Variants in MYT1L observed in about 807,000 individuals in gnomAD.
The protein encoded by MYT1L is myelin transcription factor 1 like.
Under a neutral mutation model 126.7 loss-of-function variants are expected in MYT1L, and 12 were observed. That is an observed-to-expected ratio of 0.09 (90% CI 0.06 to 0.15). The LOEUF is 0.15. MYT1L is among the 10% of genes least tolerant of loss of function. The probability of loss-of-function intolerance (pLI) is 1.00; values close to 1 mark genes in which losing one functional copy is unlikely to be tolerated. For missense variants in MYT1L, 979 were observed against 1,585.2 expected, an observed-to-expected ratio of 0.62 and a Z score of 6.49; for synonymous variants, 541 against 604.2, an observed-to-expected ratio of 0.90 and a Z score of 1.53.
At chr2:1,843,304 TC>T (rs1309144182) in intron 19 of MYT1L, among the ~76,000 whole-genome samples, 1 of 152,216 alleles carries the variant, frequency 6.6e-6, no homozygotes, top group Non-Finnish European at 1.5e-5. Flanking sequence ...ATGCGAGTGT[TC>T]CTCTGCGGTT....
chr2:1,880,356 G>A (rs1300969280), intron 18 of MYT1L, among the ~76,000 whole-genome samples: 1 of 152,038 alleles, frequency 6.6e-6, no homozygotes, highest in African/African-American at 2.4e-5. Flanking sequence ...TTTACTTTTC[G>A]AGACAGACTC....
intron 5 of MYT1L, among the ~76,000 whole-genome samples, chr2:1,985,332 G>A (rs928696986): frequency 1.3e-5 from 2 of 152,222 alleles, no homozygotes; most frequent in Non-Finnish European, 2.9e-5. Flanking sequence ...ATGTTGAAGA[G>A]AAACTGGAAG....
chr2:2,079,977 C>G (rs191202806), intron 3 of MYT1L, among the ~76,000 whole-genome samples: 1 of 152,110 alleles, frequency 6.6e-6, no homozygotes, highest in East Asian at 1.9e-4. Flanking sequence ...AGGATAGATA[C>G]TGATCAATGA....
intron 13 of MYT1L, among the ~76,000 whole-genome samples, chr2:1,905,601 G>A (rs1429105772): frequency 3.3e-5 from 5 of 152,218 alleles, no homozygotes; most frequent in South Asian, 4.2e-4. Flanking sequence ...TGATCCACCC[G>A]CCTCGGCCTC....
At chr2:1,968,279 G>C (rs1028112517) in intron 8 of MYT1L, among the ~76,000 whole-genome samples, 1 of 113,370 alleles carries the variant, frequency 8.8e-6, no homozygotes, top group African/African-American at 5.6e-5. Flanking sequence ...TCCCTTCCTG[G>C]CTCCCCAGAG....
chr2:2,120,710 T>C (rs893643472), intron 3 of MYT1L, among the ~76,000 whole-genome samples: 2 of 152,068 alleles, frequency 1.3e-5, no homozygotes, highest in Non-Finnish European at 2.9e-5. Context: ...TATTACTTGT[T>C]CCTATAAAGC....
intron 2 of MYT1L, among the ~76,000 whole-genome samples, chr2:2,247,115 C>G (rs149481743): frequency 6.6e-6 from 1 of 152,106 alleles, no homozygotes. Flanking sequence ...GATGGAAAAA[C>G]AAGACCCAAC....
At chr2:1,976,424 C>T (rs979093703) in intron 8 of MYT1L, among the ~76,000 whole-genome samples, 4 of 152,138 alleles carry the variant, frequency 2.6e-5, no homozygotes, top group African/African-American at 2.4e-5. Flanking sequence ...GGCGGATCAC[C>T]GGAGATCAGG....
At chr2:1,997,666 G>A (rs947725072) in intron 4 of MYT1L, among the ~76,000 whole-genome samples, 1 of 152,178 alleles carries the variant, frequency 6.6e-6, no homozygotes, top group Non-Finnish European at 1.5e-5. Context: ...CCCAGTTCCT[G>A]TGGACCAGAA....
At chr2:2,107,523 A>C (rs1189269417) in intron 3 of MYT1L, among the ~76,000 whole-genome samples, 1 of 152,198 alleles carries the variant, frequency 6.6e-6, no homozygotes, top group East Asian at 1.9e-4. Context: ...AATAATCAAG[A>C]ATAGATTCTC....
At chr2:2,008,139 C>T (rs1054122933) in intron 4 of MYT1L, among the ~76,000 whole-genome samples, 3 of 152,218 alleles carry the variant, frequency 2.0e-5, no homozygotes, top group Non-Finnish European at 2.9e-5. Flanking sequence ...AGAAACCACT[C>T]AGTGCACAGG....
chr2:2,026,493 G>A (rs1250603505), intron 4 of MYT1L, among the ~76,000 whole-genome samples: 1 of 152,222 alleles, frequency 6.6e-6, no homozygotes, highest in Non-Finnish European at 1.5e-5. Context: ...CTGTCTCTCA[G>A]CTAAACACAC....
At chr2:2,208,254 G>C (rs760040354) in intron 2 of MYT1L, among the ~76,000 whole-genome samples, 6 of 152,230 alleles carry the variant, frequency 3.9e-5, no homozygotes, top group Non-Finnish European at 8.8e-5. Flanking sequence ...TCCACTCCCA[G>C]TGAATGTGGG....
At position 2,299,095 on chromosome 2, in the gene MYT1L, A is replaced by G. The variant is rs910357673; in HGVS notation, c.-520-14592T>C. On this transcript the variant is annotated intron_variant, in intron 1 of 24. Transcript: ENST00000647738. ...TCTCGATCTCCTGACCTGGTGATCC[A>G]TCCGCCTTGGCCTCCCAAAGTGCTG... 1.4e-4 allele frequency among the ~76,000 whole-genome samples: 21 copies of G among 152,214 alleles called. 1 individual carries two copies. Among genetic ancestry groups the G allele is most frequent in the African/African-American group, 4.6e-4 (19 of 41,550 alleles).
chr2:1,868,145 TA>T (rs1466361207), intron 18 of MYT1L, among the ~76,000 whole-genome samples: 1 of 152,082 alleles, frequency 6.6e-6, no homozygotes, highest in Non-Finnish European at 1.5e-5. Context: ...GCATTTTTAG[TA>T]AAGATGGGGT....
chr2:2,139,641 A>T (rs2083646189), intron 3 of MYT1L, among the ~76,000 whole-genome samples: 1 of 151,528 alleles, frequency 6.6e-6, no homozygotes, highest in Non-Finnish European at 1.5e-5. Flanking sequence ...TCCATCTCAA[A>T]AAAATAAAAT....
chr2:1,947,719 T>C (rs546599761), intron 8 of MYT1L, among the ~76,000 whole-genome samples: 1 of 152,092 alleles, frequency 6.6e-6, no homozygotes, highest in East Asian at 1.9e-4. Flanking sequence ...GGACAATAAA[T>C]AAGCAAGAGT....
At chr2:1,941,644 A>T (rs1233021329) in intron 9 of MYT1L, among the ~76,000 whole-genome samples, 1 of 151,872 alleles carries the variant, frequency 6.6e-6, no homozygotes, top group Non-Finnish European at 1.5e-5. Context: ...ATCTTGGGAG[A>T]CTAATTTTAA....
intron 4 of MYT1L, among the ~76,000 whole-genome samples, chr2:2,033,320 A>AC (rs201971292): frequency 4.5e-4 from 24 of 53,108 alleles, no homozygotes; most frequent in African/African-American, 7.6e-4. Flanking sequence ...CCTTACACAC[A>AC]CCCTCGCCAG....
Sources: allele counts gnomAD v4.1 joint callset (sites outside exome capture counted in the v4.1 genomes callset), GRCh38; gene constraint gnomAD v4.1.1; transcripts MANE v1.5; gene names NCBI Gene and HGNC (gene_info 2026-07-23, HGNC 2026-07-21).